LDAH: variants seen among roughly 807,000 people sequenced by gnomAD.
The protein encoded by LDAH is lipid droplet-associated hydrolase.
LDAH carries 26 observed loss-of-function variants against 29.6 expected under a neutral mutation model. The observed-to-expected ratio is 0.88, with a 90% CI of 0.64 to 1.22. The LOEUF (loss-of-function observed/expected upper bound fraction) is 1.22. Ranked by LOEUF, LDAH falls within the 50% of genes most tolerant of loss-of-function variation. The probability of loss-of-function intolerance (pLI) is 0.00; values close to 1 mark genes in which losing one functional copy is unlikely to be tolerated. For synonymous variants in LDAH, 117 were observed against 133.0 expected (o/e 0.88, Z 0.83); for missense variants, 344 against 387.3 (o/e 0.89, Z 0.94).
intron 1 of LDAH, among the ~76,000 whole-genome samples, chr2:20,812,300 T>C (rs1261775542): frequency 6.6e-6 from 1 of 152,208 alleles, no homozygotes; most frequent in Non-Finnish European, 1.5e-5. Flanking sequence ...TCCTCTCCTA[T>C]TCCCTGTCCC....
chr2:20,822,888 G>T (rs753538594), intron 1 of LDAH, 149 bp downstream of exon 1: 16 of 152,292 alleles, frequency 1.1e-4, no homozygotes, highest in Non-Finnish European at 1.9e-4. Context: ...TGTCGGAACA[G>T]TATTATTTTT....
intron 1 of LDAH, among the ~76,000 whole-genome samples, chr2:20,816,350 T>C (rs1672847962): frequency 1.3e-5 from 2 of 152,106 alleles, no homozygotes; most frequent in African/African-American, 2.4e-5. Context: ...GTTTCTTTTT[T>C]AAAAGACCCA....
chr2:20,819,587 C>G (rs1001386190), intron 1 of LDAH, among the ~76,000 whole-genome samples: 4 of 152,146 alleles, frequency 2.6e-5, no homozygotes, highest in Admixed American at 6.5e-5. Context: ...GCTAAAAACT[C>G]TCAATAGATA....
At chr2:20,773,771 G>A (rs1235624412) in intron 4 of LDAH, among the ~76,000 whole-genome samples, 4 of 152,172 alleles carry the variant, frequency 2.6e-5, no homozygotes, top group South Asian at 2.1e-4. Context: ...GAAAAGGAGC[G>A]AGTGCTTAGT....
At chr2:20,809,922 A>G (rs1363321203) in intron 1 of LDAH, among the ~76,000 whole-genome samples, 1 of 152,264 alleles carries the variant, frequency 6.6e-6, no homozygotes, top group Non-Finnish European at 1.5e-5. Context: ...CAGGTTTTCC[A>G]AGGAACATGT....
At chr2:20,757,517 C>A (rs561519864) in intron 4 of LDAH, among the ~76,000 whole-genome samples, 1 of 152,238 alleles carries the variant, frequency 6.6e-6, no homozygotes, top group Admixed American at 6.5e-5. Context: ...CATATAATGT[C>A]AGGTATTCAG....
At chr2:20,806,792 G>A (rs1383009133) in intron 1 of LDAH, among the ~76,000 whole-genome samples, 2 of 151,618 alleles carry the variant, frequency 1.3e-5, no homozygotes, top group Admixed American at 6.6e-5. Context: ...ATAAAGATAC[G>A]AATGCAGGAA....
At position 20,714,841 on chromosome 2, in the gene LDAH, G is replaced by A. The variant is rs927207618; in HGVS notation, c.704-13189C>T. ...CCCAAGACTAAGCCAGGAAGAAGTG[G>A]AATCTCTGAATAGACCAATAACAGG... is the stretch of plus-strand genomic sequence containing the variant. On this transcript the variant is annotated intron_variant, in intron 5 of 6. Coordinates refer to ENST00000237822, the MANE Select transcript of LDAH (RefSeq NM_021925.4). Among the ~76,000 whole-genome samples the A allele has an allele frequency of 3.9e-5, 6 of 152,250 alleles. No individual in the cohort carries two copies. In the South Asian group the frequency reaches 1.2e-3, roughly 32 times the overall value.
chr2:20,812,266 T>G (rs902444330), intron 1 of LDAH, among the ~76,000 whole-genome samples: 1 of 152,194 alleles, frequency 6.6e-6, no homozygotes, highest in Non-Finnish European at 1.5e-5. Flanking sequence ...CTATGCCACC[T>G]CCCAGTCCTC....
At chr2:20,734,355 G>C (rs1167175110) in intron 5 of LDAH, among the ~76,000 whole-genome samples, 3 of 152,072 alleles carry the variant, frequency 2.0e-5, no homozygotes, top group African/African-American at 2.4e-5. Flanking sequence ...TCATGTCTCT[G>C]AGTTCTTTTT....
intron 4 of LDAH, among the ~76,000 whole-genome samples, chr2:20,761,936 A>G (rs904300555): frequency 2.0e-5 from 3 of 152,012 alleles, no homozygotes; most frequent in Admixed American, 2.0e-4. Context: ...CATTACAGAA[A>G]ATTCAAAAAT....
At chr2:20,789,027 C>T in intron 3 of LDAH, 14 of 1,173,334 alleles carry the variant, frequency 1.2e-5, no homozygotes, top group Non-Finnish European at 1.7e-5. Context: ...CTCAAACTGG[C>T]CCTGCTTAGC....
intron 4 of LDAH, among the ~76,000 whole-genome samples, chr2:20,759,816 G>A (rs1013721736): frequency 2.0e-5 from 3 of 152,086 alleles, no homozygotes; most frequent in East Asian, 1.9e-4. Context: ...AGGTACAAGC[G>A]ACATTTTTCA....
intron 3 of LDAH, among the ~76,000 whole-genome samples, chr2:20,777,137 C>G (rs1422789112): frequency 6.6e-6 from 1 of 152,132 alleles, no homozygotes; most frequent in East Asian, 1.9e-4. Flanking sequence ...AAATATATAC[C>G]AAGAACATTT....
rs1449492529 is a variant in LDAH at position 20,687,060 on chromosome 2, C to T, written c.821G>A (p.Cys274Tyr). The change falls in exon 7 of 7, where the codon TGT becomes TAT. Residue 274 changes from cysteine (C) to tyrosine (Y), a missense_variant. Physicochemically the swap from Cys to Tyr is radical, Grantham distance 194 (BLOSUM62 -2). Transcript: ENST00000237822. Reference protein sequence around the residue: ...TFYYGTIDPWCPKEYYEDIKK... With the variant: ...TFYYGTIDPWYPKEYYEDIKK... ...AATGTCTTCATAGTACTCTTTTGGA[C>T]ACCAAGGATCTATAGTACCATAATA... 23 of 1,613,396 alleles carry T rather than the reference C, an allele frequency of 1.4e-5. No homozygotes were observed. Among genetic ancestry groups the T allele is most frequent in the Non-Finnish European group, 1.9e-5 (22 of 1,179,760 alleles).
chr2:20,688,828 C>CTTTTTTTT (rs57543886), intron 6 of LDAH, among the ~76,000 whole-genome samples: 5 of 112,006 alleles, frequency 4.5e-5, no homozygotes, highest in African/African-American at 6.8e-5. Flanking sequence ...TGGAGGTTTC[C>CTTTTTTTT]TTTTTTTTTT....
intron 5 of LDAH, among the ~76,000 whole-genome samples, chr2:20,728,720 G>T (rs1666192750): frequency 6.6e-6 from 1 of 152,032 alleles, no homozygotes; most frequent in South Asian, 2.1e-4. Flanking sequence ...CCCAAGCAGG[G>T]AATGAACCAA....
intron 6 of LDAH, 64 bp from the exon 7 acceptor site, chr2:20,687,158 C>T (rs1662621755): frequency 1.4e-6 from 2 of 1,394,708 alleles, no homozygotes; most frequent in African/African-American, 1.4e-5. Context: ...AGATATGACA[C>T]CAGCAGCCGG....
At chr2:20,729,246 T>A (rs368856634) in intron 5 of LDAH, among the ~76,000 whole-genome samples, 1 of 152,306 alleles carries the variant, frequency 6.6e-6, no homozygotes, top group African/African-American at 2.4e-5. Context: ...AGCCTACTTC[T>A]CCTGAAGTGT....
Sources: allele counts gnomAD v4.1 joint callset (sites outside exome capture counted in the v4.1 genomes callset), GRCh38; gene constraint gnomAD v4.1.1; transcripts MANE v1.5; gene names NCBI Gene and HGNC (gene_info 2026-07-23, HGNC 2026-07-21).